The following EXT1 variants were observed in gnomAD, a reference collection of about 807,000 sequenced individuals.
The protein encoded by EXT1 is exostosin-1.
EXT1 carries 20 observed loss-of-function variants against 82.5 expected under a neutral mutation model. That is an observed-to-expected ratio of 0.24 (90% confidence interval 0.17 to 0.35). The LOEUF (loss-of-function observed/expected upper bound fraction) is 0.35, where lower values mean the gene tolerates loss of function less well. EXT1 is among the 10% of genes least tolerant of loss of function. The pLI is 1.00. For synonymous variants in EXT1, 348 were observed against 350.8 expected, an observed-to-expected ratio of 0.99 and a Z score of 0.09; for missense variants, 757 against 936.5, an observed-to-expected ratio of 0.81 and a Z score of 2.50.
chr8:117,942,916 A>G (rs536503096), intron 1 of EXT1, among the ~76,000 whole-genome samples: 1 of 152,348 alleles, frequency 6.6e-6, no homozygotes, highest in Admixed American at 6.5e-5. Flanking sequence ...ATCCTGGGGA[A>G]ATACAGAGCT....
rs1448683532 is a variant in EXT1, at chr8:117,796,214, C to A, written c.*3498G>T. ...AAGAGACCCAAGGGAACACAAGACACTTCCAGGTCTGGGAAGTTTGCTTGG... is the reference window on the plus strand; with the variant it reads ...AAGAGACCCAAGGGAACACAAGACAATTCCAGGTCTGGGAAGTTTGCTTGG... On this transcript the variant is annotated 3_prime_UTR_variant, in exon 11 of 11. Transcript: ENST00000378204. 6.6e-6 allele frequency: 1 copy of A among 152,160 alleles called. No individual in the cohort carries two copies. The highest frequency in any genetic ancestry group is 1.9e-4 in the East Asian group (1 of 5,200). 9.4% of individuals were successfully genotyped at this position (152,160 alleles called of 1,614,324 possible).
intron 1 of EXT1, among the ~76,000 whole-genome samples, chr8:117,945,194 C>T (rs978279022): frequency 6.6e-6 from 1 of 152,106 alleles, no homozygotes; most frequent in South Asian, 2.1e-4. Context: ...GATCATCTCA[C>T]TTACAGTCCC....
intron 1 of EXT1, among the ~76,000 whole-genome samples, chr8:117,846,397 C>T (rs1482500484): frequency 6.6e-6 from 1 of 152,080 alleles, no homozygotes; most frequent in Non-Finnish European, 1.5e-5. Context: ...CGTGAGCCAT[C>T]GTGCCTGGCC....
intron 3 of EXT1, 60 bp from the exon 4 acceptor site, chr8:117,830,409 C>T: frequency 6.3e-7 from 1 of 1,590,132 alleles, no homozygotes; most frequent in East Asian, 2.2e-5. Flanking sequence ...TGCACTTGAT[C>T]AAAATAACCC....
chr8:117,996,516 G>A (rs1380648908), intron 1 of EXT1, among the ~76,000 whole-genome samples: 1 of 152,154 alleles, frequency 6.6e-6, no homozygotes, highest in Non-Finnish European at 1.5e-5. Context: ...CACAGCCTTT[G>A]AGCTCTTCAG....
rs1295508874 is a variant in EXT1 at position 117,804,705 on chromosome 8, G to A, written c.2055+17C>T. ...ACCAGTGAGTGAAGCAAGGGAAGAGGGCTCTTCTATACTTACCTGTCCCAT... is the reference window on the plus strand; with the variant it reads ...ACCAGTGAGTGAAGCAAGGGAAGAGAGCTCTTCTATACTTACCTGTCCCAT... On this transcript the variant is annotated intron_variant, in intron 10 of 10. Transcript: ENST00000378204. 8.1e-6 allele frequency: 13 copies of A among 1,613,694 alleles called. No homozygotes were observed. In the East Asian group the frequency reaches 8.9e-5, roughly 11 times the overall value.
chr8:118,018,692 G>A (rs1328137759), intron 1 of EXT1, among the ~76,000 whole-genome samples: 5 of 152,126 alleles, frequency 3.3e-5, no homozygotes, highest in East Asian at 1.9e-4. Flanking sequence ...AATAAATTTC[G>A]TTATTACTAA....
At chr8:117,992,324 T>C (rs966515502) in intron 1 of EXT1, among the ~76,000 whole-genome samples, 1 of 151,688 alleles carries the variant, frequency 6.6e-6, no homozygotes, top group African/African-American at 2.4e-5. Flanking sequence ...CTTATGCTAT[T>C]GTAAATATTA....
chr8:117,859,843 C>T (rs1812649198), intron 1 of EXT1, among the ~76,000 whole-genome samples: 1 of 152,062 alleles, frequency 6.6e-6, no homozygotes, highest in Non-Finnish European at 1.5e-5. Context: ...CTCAGCCATG[C>T]ACACACATAG....
rs997829412 is a variant in EXT1 at position 117,797,043 on chromosome 8, A to G, written c.*2669T>C. 1 of 152,110 alleles carries G rather than the reference A, an allele frequency of 6.6e-6. No individual in the cohort carries two copies. Among genetic ancestry groups the G allele is most frequent in the African/African-American group, 2.4e-5 (1 of 41,364 alleles). The allele number at this position is 152,110 out of a possible 1,614,324, so 9.4% of individuals were successfully genotyped here. A position where few individuals can be genotyped will look rare whatever the true frequency, so the allele number is the denominator to read the frequency against. ...CCTTGGCTTCTCTCCAATGCAGCAC[A>G]TGTTAGCCCACTTAGGGACCCCTAG... On this transcript the variant is annotated 3_prime_UTR_variant, in exon 11 of 11. Transcript: ENST00000378204.
At chr8:117,806,284 T>A (rs796348345) in intron 9 of EXT1, among the ~76,000 whole-genome samples, 5 of 152,352 alleles carry the variant, frequency 3.3e-5, no homozygotes, top group African/African-American at 9.6e-5. Context: ...TTCTCCTCCC[T>A]GTTCAAACCC....
rs112348923 is a variant in EXT1, at chr8:117,993,777, C to T, written c.962+116308G>A. Among the ~76,000 whole-genome samples, 1,198 of 152,288 alleles carry T rather than the reference C, an allele frequency of 7.9e-3. 14 individuals are homozygous for T. Among genetic ancestry groups the T allele is most frequent in the African/African-American group, 0.028 (1,144 of 41,554 alleles). The stretch of plus-strand genomic sequence containing the variant: ...GCCTTCCCAAACACCTTTGATTAGG[C>T]TATGGAACCTACTAAAAATGTCCTG... On this transcript the variant is annotated intron_variant, in intron 1 of 10. Transcript: ENST00000378204.
At chr8:117,979,637 A>G (rs1192359781) in intron 1 of EXT1, among the ~76,000 whole-genome samples, 1 of 152,152 alleles carries the variant, frequency 6.6e-6, no homozygotes, top group Non-Finnish European at 1.5e-5. Flanking sequence ...TCCCCTCCAC[A>G]TTTTAGTAAC....
intron 1 of EXT1, among the ~76,000 whole-genome samples, chr8:117,930,549 T>C (rs547726119): frequency 6.6e-6 from 1 of 152,274 alleles, no homozygotes; most frequent in South Asian, 2.1e-4. Context: ...GCTAGAGTGA[T>C]GTGGGAGAGG....
chr8:117,807,425 T>A (rs1475201814), intron 8 of EXT1, 48 bp from the exon 9 acceptor site: 1 of 1,610,222 alleles, frequency 6.2e-7, no homozygotes. Flanking sequence ...TGTTAACAAA[T>A]GTCAACAAAA....
chr8:117,814,876 C>T (rs909166591), intron 7 of EXT1, among the ~76,000 whole-genome samples: 6 of 152,122 alleles, frequency 3.9e-5, no homozygotes, highest in African/African-American at 7.2e-5. Flanking sequence ...TCATCTCAAA[C>T]TCGGTTTCTT....
intron 1 of EXT1, among the ~76,000 whole-genome samples, chr8:117,990,279 G>A (rs180807786): frequency 2.6e-4 from 39 of 152,310 alleles, no homozygotes; most frequent in Admixed American, 1.7e-3. Context: ...AAGAAAAGGA[G>A]AGTAATTCTG....
intron 7 of EXT1, among the ~76,000 whole-genome samples, chr8:117,816,907 A>G (rs1811831321): frequency 6.6e-6 from 1 of 152,206 alleles, no homozygotes; most frequent in African/African-American, 2.4e-5. Flanking sequence ...CCAAAGTTCA[A>G]CATTAACTGC....
intron 1 of EXT1, among the ~76,000 whole-genome samples, chr8:118,009,969 T>C (rs769743375): frequency 2.0e-5 from 3 of 152,130 alleles, no homozygotes; most frequent in Non-Finnish European, 4.4e-5. Context: ...TTCTAAGAAG[T>C]GGCTAAGAGC....
Sources: allele counts gnomAD v4.1 joint callset (sites outside exome capture counted in the v4.1 genomes callset), GRCh38; gene constraint gnomAD v4.1.1; transcripts MANE v1.5; gene names NCBI Gene and HGNC (gene_info 2026-07-23, HGNC 2026-07-21).